MGMT: variants seen among roughly 807,000 people sequenced by gnomAD.
MGMT encodes the protein methylated-DNA--protein-cysteine methyltransferase.
In MGMT, 14 loss-of-function variants were observed where a neutral mutation model predicts 15.9. The observed-to-expected ratio is 0.88, with a 90% CI of 0.58 to 1.37. The LOEUF (loss-of-function observed/expected upper bound fraction) is 1.37, where lower values mean the gene tolerates loss of function less well. Ranked by LOEUF, MGMT falls within the 40% of genes most tolerant of loss-of-function variation. The pLI, the probability that MGMT is intolerant of heterozygous loss-of-function variation, is 0.00. For missense variants in MGMT, 282 were observed against 268.1 expected, an observed-to-expected ratio of 1.05 and a Z score of -0.36; for synonymous variants, 130 against 118.2, an observed-to-expected ratio of 1.10 and a Z score of -0.65.
At chr10:129,745,991 C>G (rs192517810) in intron 3 of MGMT, among the ~76,000 whole-genome samples, 47 of 152,208 alleles carry the variant, frequency 3.1e-4, no homozygotes, top group African/African-American at 1.0e-3. Flanking sequence ...AATCCCAGCA[C>G]TTTGGGAGGC....
intron 2 of MGMT, among the ~76,000 whole-genome samples, chr10:129,614,778 T>TG (rs2133070792): frequency 6.6e-6 from 1 of 152,270 alleles, no homozygotes; most frequent in South Asian, 2.1e-4. Context: ...AAGCCTTGGT[T>TG]GGGGGCATTT....
intron 3 of MGMT, among the ~76,000 whole-genome samples, chr10:129,722,198 G>T (rs1421428717): frequency 6.6e-6 from 1 of 152,114 alleles, no homozygotes; most frequent in Non-Finnish European, 1.5e-5. Context: ...AAGTGAATTT[G>T]AGAAGTTTGA....
chr10:129,469,017 C>T (rs1433559691), intron 1 of MGMT, among the ~76,000 whole-genome samples: 1 of 152,168 alleles, frequency 6.6e-6, no homozygotes, highest in Non-Finnish European at 1.5e-5. Flanking sequence ...GCACCTTGTT[C>T]AGCTGCTCAG....
intron 2 of MGMT, among the ~76,000 whole-genome samples, chr10:129,680,778 TC>T (rs1351157631): frequency 2.0e-5 from 3 of 152,094 alleles, no homozygotes; most frequent in Admixed American, 6.5e-5. Flanking sequence ...GGCTGCTGCT[TC>T]CCCCGTGTGC....
rs1332611240 is a variant in MGMT at position 129,566,915 on chromosome 10, G to A, written c.125+30538G>A. Among the ~76,000 whole-genome samples, 2 of 152,140 alleles carry A rather than the reference G, an allele frequency of 1.3e-5. No individual in the cohort carries two copies. Among genetic ancestry groups the A allele is most frequent in the East Asian group, 1.9e-4 (1 of 5,168 alleles). Reference sequence around the variant, plus strand: ...AGACTGAGTGGCCAGTGAGCAATCCGTCATCAATGGAGATCAATACCCAGG... The same window carrying A: ...AGACTGAGTGGCCAGTGAGCAATCCATCATCAATGGAGATCAATACCCAGG... On this transcript the variant is annotated intron_variant, in intron 2 of 4. Coordinates refer to ENST00000651593, the MANE Select transcript of MGMT (RefSeq NM_002412.5). The surrounding 1 kb of genome is among the most constrained non-coding windows in gnomAD (Gnocchi z 4.1).
At chr10:129,605,220 C>A (rs900829974) in intron 2 of MGMT, among the ~76,000 whole-genome samples, 4 of 152,148 alleles carry the variant, frequency 2.6e-5, no homozygotes, top group African/African-American at 9.7e-5. Flanking sequence ...TTGGCCTGCA[C>A]ATTTGATTAT....
At chr10:129,706,482 C>G (rs985511745) in intron 2 of MGMT, among the ~76,000 whole-genome samples, 2 of 149,684 alleles carry the variant, frequency 1.3e-5, no homozygotes, top group Non-Finnish European at 2.9e-5. Context: ...TGTGCGTCCA[C>G]AGCATCCACA....
At chr10:129,521,123 T>A (rs1845805227) in intron 1 of MGMT, among the ~76,000 whole-genome samples, 1 of 152,158 alleles carries the variant, frequency 6.6e-6, no homozygotes, top group African/African-American at 2.4e-5. Flanking sequence ...CCAGTTCTGA[T>A]CTCAGGTGGG....
At chr10:129,640,986 G>A (rs771759905) in intron 2 of MGMT, among the ~76,000 whole-genome samples, 17 of 152,178 alleles carry the variant, frequency 1.1e-4, no homozygotes, top group Non-Finnish European at 1.9e-4. Context: ...AGACAAAGAT[G>A]TCTGTCCACT....
chr10:129,663,770 T>G (rs1290341478), intron 2 of MGMT, among the ~76,000 whole-genome samples: 1 of 152,140 alleles, frequency 6.6e-6, no homozygotes, highest in Non-Finnish European at 1.5e-5. Flanking sequence ...CCAGTAGAGA[T>G]AGAAAGCTTA....
chr10:129,737,600 A>G (rs1161460639), intron 3 of MGMT, among the ~76,000 whole-genome samples: 2 of 152,210 alleles, frequency 1.3e-5, no homozygotes, highest in South Asian at 2.1e-4. Context: ...CTGGTGAGGA[A>G]CTGCGTTCCT....
chr10:129,588,761 A>G (rs1232323837), intron 2 of MGMT, among the ~76,000 whole-genome samples: 1 of 152,246 alleles, frequency 6.6e-6, no homozygotes, highest in Non-Finnish European at 1.5e-5. Flanking sequence ...TGCCTGCAGC[A>G]TTTGGAAAAC....
chr10:129,716,669 A>G (rs1848302284), intron 3 of MGMT, among the ~76,000 whole-genome samples: 1 of 152,206 alleles, frequency 6.6e-6, no homozygotes, highest in African/African-American at 2.4e-5. Flanking sequence ...CAGAAATGGC[A>G]CATTCCCCTG....
At chr10:129,762,629 A>C (rs1367325781) in intron 4 of MGMT, among the ~76,000 whole-genome samples, 1 of 152,126 alleles carries the variant, frequency 6.6e-6, no homozygotes, top group African/African-American at 2.4e-5. Context: ...CTTCATCCTC[A>C]GACAGAATTT....
chr10:129,536,278 G>C lies in MGMT; in HGVS notation c.26G>C (p.Arg9Pro), dbSNP rs544050191. MDKDCEMK[R>P]TTLDSPLGKL... is the part of the protein sequence containing the mutation. ...ATGGACAAGGATTGTGAAATGAAAC[G>C]CACCACACTGGACAGCCCTTTGGGG... Residue 9 changes from arginine (R) to proline (P), a missense_variant, in exon 2 of 5, where the codon CGC becomes CCC. Transcript: ENST00000651593. 1 of 1,613,946 alleles carries C rather than the reference G, an allele frequency of 6.2e-7. No individual in the cohort carries two copies. Among genetic ancestry groups the C allele is most frequent in the Admixed American group, 1.7e-5 (1 of 59,956 alleles).
rs1036700765 is a variant in MGMT at position 129,766,888 on chromosome 10, A to G, written c.515A>G (p.Glu172Gly). Residue 172 changes from glutamate to glycine, a missense_variant, in exon 5 of 5, where the codon GAA (glutamate) becomes GGA (glycine). By Grantham distance (98) the Glu-to-Gly change is moderately conservative. Transcript: ENST00000651593. ...GTGAAGGAATGGCTTCTGGCCCATG[A>G]AGGCCACCGGTTGGGGAAGCCAGGC... ...LAVKEWLLAH[E>G]GHRLGKPGLG... The G allele has an allele frequency of 6.2e-7, 1 of 1,613,448 alleles. No individual in the cohort carries two copies. Among genetic ancestry groups the G allele is most frequent in the Non-Finnish European group, 8.5e-7 (1 of 1,180,024 alleles).
intron 2 of MGMT, among the ~76,000 whole-genome samples, chr10:129,677,742 C>A (rs537143702): frequency 1.3e-5 from 2 of 152,178 alleles, no homozygotes; most frequent in Non-Finnish European, 2.9e-5. Context: ...GACTGCCCCC[C>A]ACAAAGCCCT....
chr10:129,652,088 G>T (rs919527391), intron 2 of MGMT, among the ~76,000 whole-genome samples: 1 of 152,210 alleles, frequency 6.6e-6, no homozygotes, highest in African/African-American at 2.4e-5. Flanking sequence ...GGGATCGTGT[G>T]TAGGAGTAGA....
At chr10:129,481,255 G>A (rs988869116) in intron 1 of MGMT, among the ~76,000 whole-genome samples, 7 of 152,178 alleles carry the variant, frequency 4.6e-5, no homozygotes, top group African/African-American at 1.7e-4. Flanking sequence ...TGAATATGGT[G>A]GATAACTCTC....
Sources: allele counts gnomAD v4.1 joint callset (sites outside exome capture counted in the v4.1 genomes callset), GRCh38; gene constraint gnomAD v4.1.1; non-coding constraint Gnocchi (gnomAD v3.1); transcripts MANE v1.5; gene names NCBI Gene and HGNC (gene_info 2026-07-23, HGNC 2026-07-21).